Variants in KCNMA1 observed in about 807,000 individuals in gnomAD.
KCNMA1 encodes Calcium-activated potassium channel subunit alpha-1.
KCNMA1 carries 29 observed loss-of-function variants against 140.0 expected under a neutral mutation model. That is an observed-to-expected ratio of 0.21 (90% CI 0.15 to 0.28). The LOEUF (loss-of-function observed/expected upper bound fraction) is 0.28. Among genes scored for constraint, KCNMA1 ranks in the 10% least tolerant of loss-of-function variants. The probability of loss-of-function intolerance (pLI) is 1.00; values close to 1 mark genes in which losing one functional copy is unlikely to be tolerated. For synonymous variants in KCNMA1, 612 were observed against 611.9 expected (o/e 1.00, Z 0.00); for missense variants, 880 against 1,602.2 (o/e 0.55, Z 7.70).
chr10:77,136,265 G>A (rs989143569), intron 5 of KCNMA1, among the ~76,000 whole-genome samples: 8 of 152,118 alleles, frequency 5.3e-5, no homozygotes, highest in Non-Finnish European at 7.4e-5. Flanking sequence ...CCAAAAATAG[G>A]TCTTACGTCT....
At chr10:77,237,922 C>T (rs141881642) in intron 3 of KCNMA1, among the ~76,000 whole-genome samples, 8 of 152,290 alleles carry the variant, frequency 5.3e-5, no homozygotes, top group African/African-American at 1.2e-4. Context: ...CCGAAGGCAG[C>T]GCTCTCAGGC....
At chr10:77,195,753 AGCCTG>A (rs1294386293) in intron 3 of KCNMA1, among the ~76,000 whole-genome samples, 1 of 152,078 alleles carries the variant, frequency 6.6e-6, no homozygotes, top group Non-Finnish European at 1.5e-5. Flanking sequence ...GTTCGAGACC[AGCCTG>A]GCCAACATGG....
At chr10:77,454,346 C>A (rs1434283769) in intron 1 of KCNMA1, among the ~76,000 whole-genome samples, 3 of 152,104 alleles carry the variant, frequency 2.0e-5, no homozygotes, top group Non-Finnish European at 4.4e-5. Context: ...CTTTTTCATT[C>A]TAAAGACAGT....
chr10:77,564,961 A>G (rs1288357283), intron 1 of KCNMA1, among the ~76,000 whole-genome samples: 1 of 152,240 alleles, frequency 6.6e-6, no homozygotes, highest in East Asian at 1.9e-4. Flanking sequence ...CAGGATATGC[A>G]GCAGGGGGTG....
At chr10:77,355,059 G>C (rs566382791) in intron 2 of KCNMA1, 1 of 152,204 alleles carries the variant, frequency 6.6e-6, no homozygotes, top group Non-Finnish European at 1.5e-5. Flanking sequence ...ATCACGGGGT[G>C]GTTTCCCCCA....
At chr10:77,361,576 G>T (rs113634093) in intron 2 of KCNMA1, among the ~76,000 whole-genome samples, 2 of 152,356 alleles carry the variant, frequency 1.3e-5, no homozygotes, top group South Asian at 4.1e-4. Context: ...AAAATTAGAG[G>T]TGCACGAAAG....
At chr10:77,135,633 A>G (rs1280335921) in intron 5 of KCNMA1, among the ~76,000 whole-genome samples, 1 of 152,246 alleles carries the variant, frequency 6.6e-6, no homozygotes, top group East Asian at 1.9e-4. Flanking sequence ...AATGTGATAT[A>G]TATACACAAT....
chr10:77,152,315 C>T (rs1465664293), intron 5 of KCNMA1, among the ~76,000 whole-genome samples: 1 of 98,088 alleles, frequency 1.0e-5, no homozygotes, highest in Non-Finnish European at 2.3e-5. Context: ...TGTGTTGTTG[C>T]TGTTGTCATT....
intron 17 of KCNMA1, chr10:77,012,628 G>C: frequency 7.8e-7 from 1 of 1,276,430 alleles, no homozygotes; most frequent in Non-Finnish European, 1.1e-6. Context: ...GAGTTTCACA[G>C]CTTATTTTAC....
intron 2 of KCNMA1, among the ~76,000 whole-genome samples, chr10:77,308,010 G>A (rs781182714): frequency 4.6e-5 from 7 of 152,182 alleles, no homozygotes; most frequent in Non-Finnish European, 8.8e-5. Flanking sequence ...TCATTAACCT[G>A]TTTTCCAAAA....
chr10:77,107,595 A>C (rs1158733664), intron 9 of KCNMA1, among the ~76,000 whole-genome samples: 1 of 152,218 alleles, frequency 6.6e-6, no homozygotes, highest in African/African-American at 2.4e-5. Context: ...TCTCTATTGA[A>C]CCTGCACATT....
chr10:77,543,204 G>C (rs961357327), intron 1 of KCNMA1, among the ~76,000 whole-genome samples: 1 of 152,132 alleles, frequency 6.6e-6, no homozygotes, highest in African/African-American at 2.4e-5. Context: ...AGTCATGCAA[G>C]AGTTAAATGT....
At chr10:77,471,621 C>T (rs972143865) in intron 1 of KCNMA1, among the ~76,000 whole-genome samples, 2 of 150,140 alleles carry the variant, frequency 1.3e-5, no homozygotes, top group East Asian at 2.0e-4. Flanking sequence ...TATACATATA[C>T]ATACATAATA....
intron 5 of KCNMA1, among the ~76,000 whole-genome samples, chr10:77,124,751 CA>C (rs1340922676): frequency 1.3e-5 from 2 of 152,204 alleles, no homozygotes; most frequent in African/African-American, 4.8e-5. Context: ...ATTTCATCCT[CA>C]GATCAAGCCA....
chr10:76,960,025 C>T (rs2070367654), intron 20 of KCNMA1, among the ~76,000 whole-genome samples: 1 of 152,208 alleles, frequency 6.6e-6, no homozygotes, highest in African/African-American at 2.4e-5. Flanking sequence ...ACCTCATACC[C>T]TCCCACTTTA....
At chr10:77,384,626 C>T (rs144039989) in intron 2 of KCNMA1, among the ~76,000 whole-genome samples, 59 of 152,316 alleles carry the variant, frequency 3.9e-4, no homozygotes, top group African/African-American at 1.3e-3. Context: ...CTGGAGAGCA[C>T]TGAGGTATGA....
At chr10:76,936,459 G>T (rs2152764563) in intron 23 of KCNMA1, among the ~76,000 whole-genome samples, 1 of 152,276 alleles carries the variant, frequency 6.6e-6, no homozygotes, top group African/African-American at 2.4e-5. Flanking sequence ...TGGGACGGAA[G>T]CCAACAGCAG....
intron 1 of KCNMA1, among the ~76,000 whole-genome samples, chr10:77,426,689 C>G (rs2097004442): frequency 6.6e-6 from 1 of 152,226 alleles, no homozygotes. Context: ...TCTGAAGCCC[C>G]TGCAGCACTT....
chr10:77,025,265 T>C (rs2093328056), intron 16 of KCNMA1, among the ~76,000 whole-genome samples: 1 of 115,726 alleles, frequency 8.6e-6, no homozygotes, highest in African/African-American at 3.2e-5. Flanking sequence ...TATATATATA[T>C]ATATATATAT....
Sources: gnomAD v4.1 joint callset for allele counts (sites outside exome capture counted in the v4.1 genomes callset) on GRCh38, gnomAD v4.1.1 for gene constraint, MANE v1.5 for transcripts, NCBI Gene and HGNC (gene_info 2026-07-23, HGNC 2026-07-21) for gene names.